Variants in SMAD2 observed in about 807,000 individuals in gnomAD.
SMAD2 encodes MAD homolog 2.
Under a neutral mutation model 64.4 loss-of-function variants are expected in SMAD2, and 8 were observed. The ratio of observed to expected loss-of-function variants is 0.12; its 90% CI spans 0.07 to 0.22. SMAD2 has a LOEUF of 0.22. Among genes scored for constraint, SMAD2 ranks in the 10% least tolerant of loss-of-function variants. The pLI is 1.00. For missense variants in SMAD2, 289 were observed against 561.2 expected (o/e 0.51, Z 4.90); for synonymous variants, 203 against 195.8 (o/e 1.04, Z -0.31).
chr18:47,900,552 C>A (rs2033642882), intron 1 of SMAD2, among the ~76,000 whole-genome samples: 4 of 152,134 alleles, frequency 2.6e-5, no homozygotes, highest in Admixed American at 6.6e-5. Flanking sequence ...TTAATCTTTT[C>A]AAAGAACCAA....
rs1049362954 is a variant in SMAD2, at chr18:47,831,248, C to A, written c.*10579G>T. ...CATATAAGCAGTAGCTCAATAACAC[C>A]GTCCAGTTTTCATGTATATCCAGAC... On this transcript the variant is annotated 3_prime_UTR_variant, in exon 11 of 11. Coordinates refer to ENST00000262160, the MANE Select transcript of SMAD2 (RefSeq NM_005901.6). 6.6e-6 allele frequency: 1 copy of A among 152,192 alleles called. No homozygotes were observed. The highest frequency in any genetic ancestry group is 1.5e-5 in the Non-Finnish European group (1 of 68,036). 9.4% of individuals were successfully genotyped at this position (152,192 alleles called of 1,614,324 possible).
In SMAD2 at chr18:47,819,934, G is replaced by C. The variant is rs1241702743; in HGVS notation, c.*21893C>G. 1 of 152,176 alleles carries C rather than the reference G, an allele frequency of 6.6e-6. No homozygotes were observed. Among genetic ancestry groups the C allele is most frequent in the African/African-American group, 2.4e-5 (1 of 41,388 alleles). The allele number at this position is 152,176 out of a possible 1,614,324, so 9.4% of individuals were successfully genotyped here. ...AGGAGGATTGTGTGAGTTGGAGTTT[G>C]AGGCTGCAGTGTGCTACAATTGTGC... is the stretch of plus-strand genomic sequence containing the variant. On this transcript the variant is annotated 3_prime_UTR_variant, in exon 11 of 11. Transcript: ENST00000262160.
chr18:47,850,971 AATAAAC>A (rs2030002064), intron 7 of SMAD2, among the ~76,000 whole-genome samples: 1 of 143,208 alleles, frequency 7.0e-6, no homozygotes, highest in Admixed American at 7.6e-5. Context: ...TACATCATAA[AATAAAC>A]ATAACCATAA....
At position 47,838,899 on chromosome 18, in the gene SMAD2, G is replaced by T. The variant is rs1913681008; in HGVS notation, c.*2928C>A. On this transcript the variant is annotated 3_prime_UTR_variant, in exon 11 of 11. Transcript: ENST00000262160. ...GGTCATCATTCCTAGAAAATTAACA[G>T]TATTGTGAAGAATAAATCCTAAGTA... 1 of 232,478 alleles carries T rather than the reference G, an allele frequency of 4.3e-6. No individual in the cohort carries two copies. The highest frequency in any genetic ancestry group is 1.8e-4 in the South Asian group (1 of 5,500). 14.4% of individuals were successfully genotyped at this position (232,478 alleles called of 1,614,324 possible). A position where few individuals can be genotyped will look rare whatever the true frequency, so the allele number is the denominator to read the frequency against.
At position 47,839,976 on chromosome 18, in the gene SMAD2, TAGTGTAAC is replaced by T. The variant is rs1193321267; in HGVS notation, c.*1843_*1850del. ...ATAGACAAGTAAGATAATTAAGGGT[TAGTGTAAC>T]TGCTGTCTCAGCAAAGGCAGGAACT... is the stretch of plus-strand genomic sequence containing the variant. On this transcript the variant is annotated 3_prime_UTR_variant, in exon 11 of 11. Coordinates refer to ENST00000262160, the MANE Select transcript of SMAD2 (RefSeq NM_005901.6). 1.7e-5 allele frequency: 4 copies of T among 233,108 alleles called. No homozygotes were observed. The highest frequency in any genetic ancestry group is 3.4e-5 in the Non-Finnish European group (4 of 118,024). The allele number at this position is 233,108 out of a possible 1,614,324, so 14.4% of individuals were successfully genotyped here. A position where few individuals can be genotyped will look rare whatever the true frequency, so the allele number is the denominator to read the frequency against.
intron 2 of SMAD2, among the ~76,000 whole-genome samples, chr18:47,893,559 T>C (rs2033306024): frequency 6.6e-6 from 1 of 152,216 alleles, no homozygotes; most frequent in Non-Finnish European, 1.5e-5. Flanking sequence ...TGTATCACAT[T>C]TTGAATAATT....
intron 7 of SMAD2, among the ~76,000 whole-genome samples, chr18:47,849,476 C>T (rs1914871122): frequency 1.3e-5 from 1 of 76,384 alleles, no homozygotes; most frequent in Non-Finnish European, 2.4e-5. Context: ...AATAGTAATA[C>T]AGAAATGTAT....
chr18:47,837,755 A>G lies in SMAD2; in HGVS notation c.*4072T>C. The G allele has an allele frequency of 4.3e-6, 1 of 232,944 alleles. No individual in the cohort carries two copies. Among genetic ancestry groups the G allele is most frequent in the African/African-American group, 2.2e-5 (1 of 45,454 alleles). The allele number at this position is 232,944 out of a possible 1,614,324, so 14.4% of individuals were successfully genotyped here. On this transcript the variant is annotated 3_prime_UTR_variant, in exon 11 of 11. Transcript: ENST00000262160. Reference sequence around the variant, plus strand: ...AAGTATCAATGCCTTCGATCAGAGTAAGAAAAAAGTATTCATTGTTCATGT... The same window carrying G: ...AAGTATCAATGCCTTCGATCAGAGTGAGAAAAAAGTATTCATTGTTCATGT...
chr18:47,901,652 T>C (rs1384608774), intron 1 of SMAD2, among the ~76,000 whole-genome samples: 1 of 152,154 alleles, frequency 6.6e-6, no homozygotes, highest in Non-Finnish European at 1.5e-5. Context: ...ATACATATAC[T>C]TTTACTACTT....
chr18:47,889,364 T>C (rs553017015), intron 2 of SMAD2, among the ~76,000 whole-genome samples: 13 of 151,838 alleles, frequency 8.6e-5, no homozygotes, highest in Admixed American at 7.9e-4. Flanking sequence ...GAGTAAACAG[T>C]ATGGTTTTTC....
At position 47,826,969 on chromosome 18, in the gene SMAD2, TA is replaced by T. The variant is rs893351245; in HGVS notation, c.*14857del. 1 of 152,188 alleles carries T rather than the reference TA, an allele frequency of 6.6e-6. No individual in the cohort carries two copies. Among genetic ancestry groups the T allele is most frequent in the Non-Finnish European group, 1.5e-5 (1 of 68,044 alleles). The allele number at this position is 152,188 out of a possible 1,614,324, so 9.4% of individuals were successfully genotyped here. On this transcript the variant is annotated 3_prime_UTR_variant, in exon 11 of 11. Transcript: ENST00000262160. ...GGGAACTGGAGGAAATGAAGAACTT[TA>T]AGGTAGACTGATGAAAAGATTTATC...
intron 6 of SMAD2, among the ~76,000 whole-genome samples, chr18:47,854,199 T>C (rs1276959007): frequency 6.6e-6 from 1 of 152,172 alleles, no homozygotes; most frequent in Non-Finnish European, 1.5e-5. Flanking sequence ...TAGAATATTA[T>C]AAATATCCTA....
At chr18:47,905,660 T>A (rs1319378738) in intron 1 of SMAD2, among the ~76,000 whole-genome samples, 2 of 152,154 alleles carry the variant, frequency 1.3e-5, no homozygotes, top group Admixed American at 6.5e-5. Flanking sequence ...AGGCCCAAGG[T>A]CAATCTAGTT....
At chr18:47,903,457 A>C (rs1243498457) in intron 1 of SMAD2, among the ~76,000 whole-genome samples, 1 of 152,178 alleles carries the variant, frequency 6.6e-6, no homozygotes, top group African/African-American at 2.4e-5. Context: ...CTGACGGCTC[A>C]GCTATAAACC....
rs1912634441 is a variant in SMAD2, at chr18:47,823,249, TC to T, written c.*18577del. 6.6e-6 allele frequency: 1 copy of T among 152,168 alleles called. No individual in the cohort carries two copies. Among genetic ancestry groups the T allele is most frequent in the African/African-American group, 2.4e-5 (1 of 41,442 alleles). The allele number at this position is 152,168 out of a possible 1,614,324, so 9.4% of individuals were successfully genotyped here. On this transcript the variant is annotated 3_prime_UTR_variant, in exon 11 of 11. Transcript: ENST00000262160. ...TCTACCTTGACTTAGCTTCTTAGCC[TC>T]AAGGAGGTTTTTAAATCTGAGATTA... is the stretch of plus-strand genomic sequence containing the variant.
At chr18:47,900,000 C>A (rs1305116040) in intron 1 of SMAD2, among the ~76,000 whole-genome samples, 2 of 152,074 alleles carry the variant, frequency 1.3e-5, no homozygotes, top group African/African-American at 4.8e-5. Context: ...TGCATGGCAA[C>A]CTCTATACAC....
At chr18:47,922,771 T>C (rs1399015750) in intron 1 of SMAD2, 1 of 152,204 alleles carries the variant, frequency 6.6e-6, no homozygotes, top group African/African-American at 2.4e-5. Flanking sequence ...AAAATTAAAA[T>C]ACATAAAACC....
In SMAD2 at chr18:47,841,755, G is replaced by C. The variant is rs946241970; in HGVS notation, c.*72C>G. 5 of 1,576,254 alleles carry C rather than the reference G, an allele frequency of 3.2e-6. No individual in the cohort carries two copies. The highest frequency in any genetic ancestry group is 2.2e-5 in the East Asian group (1 of 44,618). On this transcript the variant is annotated 3_prime_UTR_variant, in exon 11 of 11. Coordinates refer to ENST00000262160, the MANE Select transcript of SMAD2 (RefSeq NM_005901.6). ...ACTTTTGGATAGTAAACAGTCCATA[G>C]GGACCACACACAATGCTATGACAGA...
At position 47,848,539 on chromosome 18, in the gene SMAD2, G is replaced by T. The variant is rs1179433290; in HGVS notation, c.933C>A (p.Phe311Leu). The change falls in exon 8 of 11, where the codon TTC (phenylalanine) becomes TTA (leucine). Residue 311 changes from phenylalanine to leucine, a missense_variant. By Grantham distance (22) the Phe-to-Leu change is conservative. Transcript: ENST00000262160. ...TAACATTGGAGAGTAAACCTAAGCA[G>T]AACCTCTCTGAATTTGATGGGTCTG... ...GFTDPSNSER[F>L]CLGLLSNVNR... is the part of the protein sequence containing the mutation. 6.2e-7 allele frequency: 1 copy of T among 1,613,878 alleles called. No homozygotes were observed. Among genetic ancestry groups the T allele is most frequent in the Non-Finnish European group, 8.5e-7 (1 of 1,179,938 alleles).
Sources: allele counts gnomAD v4.1 joint callset (sites outside exome capture counted in the v4.1 genomes callset), GRCh38; gene constraint gnomAD v4.1.1; transcripts MANE v1.5; gene names NCBI Gene and HGNC (gene_info 2026-07-23, HGNC 2026-07-21).